The following DPP10 variants were observed in gnomAD, a reference collection of about 807,000 sequenced individuals.
The protein encoded by DPP10 is dipeptidyl peptidase like 10, also known as inactive dipeptidyl peptidase 10.
DPP10 carries 33 observed loss-of-function variants against 120.9 expected under a neutral mutation model. The ratio of observed to expected loss-of-function variants is 0.27; its 90% CI spans 0.21 to 0.37. The LOEUF (loss-of-function observed/expected upper bound fraction) is 0.37, where lower values mean the gene tolerates loss of function less well. DPP10 is among the 10% of genes least tolerant of loss of function. The pLI, the probability that DPP10 is intolerant of heterozygous loss-of-function variation, is 1.00. For missense variants in DPP10, 816 were observed against 942.8 expected (o/e 0.87, Z 1.76); for synonymous variants, 337 against 326.1 (o/e 1.03, Z -0.36).
chr2:114,634,942 AT>A (rs942987234), intron 1 of DPP10, among the ~76,000 whole-genome samples: 14 of 151,916 alleles, frequency 9.2e-5, no homozygotes, highest in Non-Finnish European at 1.6e-4. Context: ...GGGTTTGATA[AT>A]TTATGGTTTC....
chr2:115,798,032 T>C (rs563986580), intron 19 of DPP10, among the ~76,000 whole-genome samples: 7 of 151,960 alleles, frequency 4.6e-5, no homozygotes, highest in Admixed American at 2.6e-4. Flanking sequence ...ACATAGGTTT[T>C]AGATATGCAT....
At chr2:115,664,438 G>T (rs550680388) in intron 5 of DPP10, among the ~76,000 whole-genome samples, 66 of 151,998 alleles carry the variant, frequency 4.3e-4, no homozygotes, top group African/African-American at 1.5e-3. Flanking sequence ...CTCACTATCA[G>T]TTGTTGTAAT....
At chr2:115,193,229 A>T (rs770076873) in intron 1 of DPP10, among the ~76,000 whole-genome samples, 11 of 152,196 alleles carry the variant, frequency 7.2e-5, no homozygotes, top group Middle Eastern at 3.2e-3. Flanking sequence ...TGTTGTAAAC[A>T]TCCCTTTTTT....
At chr2:114,482,277 CAGAG>C (rs1681128088) in intron 1 of DPP10, among the ~76,000 whole-genome samples, 1 of 151,994 alleles carries the variant, frequency 6.6e-6, no homozygotes, top group Admixed American at 6.6e-5. Flanking sequence ...CTGTGGGGGA[CAGAG>C]AAAGTGAATG....
intron 1 of DPP10, among the ~76,000 whole-genome samples, chr2:114,697,886 A>C (rs960568590): frequency 1.3e-5 from 2 of 152,006 alleles, no homozygotes; most frequent in South Asian, 2.1e-4. Context: ...GCAGAAGTAC[A>C]CCTCTCTGAA....
At chr2:115,323,172 C>T (rs2062154281) in intron 2 of DPP10, among the ~76,000 whole-genome samples, 1 of 152,162 alleles carries the variant, frequency 6.6e-6, no homozygotes, top group South Asian at 2.1e-4. Flanking sequence ...TCTTTATCAA[C>T]TAAGTTTATG....
chr2:115,701,630 G>A (rs544490189), intron 7 of DPP10, among the ~76,000 whole-genome samples: 1 of 152,138 alleles, frequency 6.6e-6, no homozygotes, highest in South Asian at 2.1e-4. Flanking sequence ...AAACTTTTGT[G>A]CATCAAGAAC....
At chr2:115,180,444 G>A (rs2053998973) in intron 1 of DPP10, among the ~76,000 whole-genome samples, 1 of 152,088 alleles carries the variant, frequency 6.6e-6, no homozygotes, top group Non-Finnish European at 1.5e-5. Flanking sequence ...AAGGAATCAA[G>A]CCTCTTGTGT....
intron 3 of DPP10, among the ~76,000 whole-genome samples, chr2:115,386,919 G>T (rs1018429918): frequency 4.0e-5 from 6 of 151,008 alleles, no homozygotes; most frequent in Non-Finnish European, 5.9e-5. Context: ...AAAAAAAACT[G>T]TAAGAATATT....
intron 5 of DPP10, among the ~76,000 whole-genome samples, chr2:115,588,220 C>G (rs1321183393): frequency 6.6e-6 from 1 of 152,134 alleles, no homozygotes; most frequent in Non-Finnish European, 1.5e-5. Context: ...GAAATATTTA[C>G]AGGCTTTTTA....
chr2:115,667,519 T>C (rs763151246), intron 5 of DPP10, among the ~76,000 whole-genome samples: 1 of 152,198 alleles, frequency 6.6e-6, no homozygotes, highest in Non-Finnish European at 1.5e-5. Context: ...TTGGTTTTTG[T>C]ATGTGGTAAA....
chr2:115,445,079 GCTCT>G (rs1301349007), intron 3 of DPP10, among the ~76,000 whole-genome samples: 3 of 151,994 alleles, frequency 2.0e-5, no homozygotes, highest in African/African-American at 4.8e-5. Context: ...TGGTTACCCT[GCTCT>G]CTCTCTCTTT....
intron 3 of DPP10, among the ~76,000 whole-genome samples, chr2:115,495,087 A>G (rs967952851): frequency 7.2e-5 from 11 of 152,114 alleles, no homozygotes; most frequent in African/African-American, 1.7e-4. Context: ...TTTATTACCT[A>G]TAATAGTCAG....
At chr2:115,300,086 TTA>T (rs1200173155) in intron 1 of DPP10, among the ~76,000 whole-genome samples, 1 of 152,212 alleles carries the variant, frequency 6.6e-6, no homozygotes, top group Non-Finnish European at 1.5e-5. Context: ...AATGCTGTTT[TTA>T]TATGTTTTTA....
intron 3 of DPP10, among the ~76,000 whole-genome samples, chr2:115,380,039 G>A (rs894342769): frequency 6.6e-6 from 1 of 152,250 alleles, no homozygotes; most frequent in Non-Finnish European, 1.5e-5. Flanking sequence ...TTCATTTGGG[G>A]TGGAGAGTTC....
At chr2:114,964,879 G>T (rs572329609) in intron 1 of DPP10, among the ~76,000 whole-genome samples, 8 of 152,288 alleles carry the variant, frequency 5.3e-5, no homozygotes, top group Admixed American at 1.3e-4. Flanking sequence ...TATACTGAAA[G>T]AATTCAGTTG....
intron 1 of DPP10, among the ~76,000 whole-genome samples, chr2:115,274,044 G>T (rs2059809960): frequency 6.6e-6 from 1 of 151,970 alleles, no homozygotes; most frequent in African/African-American, 2.4e-5. Context: ...GAATGAGCAG[G>T]TTACTCCTGC....
intron 5 of DPP10, among the ~76,000 whole-genome samples, chr2:115,672,600 T>A (rs2089955661): frequency 6.6e-6 from 1 of 151,572 alleles, no homozygotes; most frequent in South Asian, 2.1e-4. Flanking sequence ...CCTTCCTTGA[T>A]TGATTGTCAT....
chr2:115,255,123 G>A (rs1468203505), intron 1 of DPP10, among the ~76,000 whole-genome samples: 1 of 152,206 alleles, frequency 6.6e-6, no homozygotes, highest in Non-Finnish European at 1.5e-5. Context: ...GCATACCTCT[G>A]CCTGGACACC....
Sources: allele counts gnomAD v4.1 joint callset (sites outside exome capture counted in the v4.1 genomes callset), GRCh38; gene constraint gnomAD v4.1.1; transcripts MANE v1.5; gene names NCBI Gene and HGNC (gene_info 2026-07-23, HGNC 2026-07-21).